Variants in KRTAP9-1 observed in about 807,000 individuals in gnomAD.
KRTAP9-1 encodes keratin associated protein 9-1.
KRTAP9-1 carries 13 observed loss-of-function variants against 18.4 expected under a neutral mutation model. The observed-to-expected ratio is 0.71, with a 90% CI of 0.46 to 1.12. The LOEUF (loss-of-function observed/expected upper bound fraction) is 1.12, where lower values mean the gene tolerates loss of function less well. Among genes scored for constraint, KRTAP9-1 ranks in the 50% most tolerant of loss-of-function variants. The pLI is 0.00. For synonymous variants in KRTAP9-1, 122 were observed against 108.8 expected (o/e 1.12, Z -0.75); for missense variants, 310 against 310.6 (o/e 1.00, Z 0.01).
At position 41,190,086 on chromosome 17, in the gene KRTAP9-1, G is replaced by A; in HGVS notation, c.200G>A (p.Cys67Tyr). 2 of 1,613,186 alleles carry A rather than the reference G, an allele frequency of 1.2e-6. No homozygotes were observed. The highest frequency in any genetic ancestry group is 1.1e-5 in the South Asian group (1 of 91,026). Residue 67 changes from cysteine (C) to tyrosine (Y), a missense_variant, in exon 1 of 1, where the codon TGC becomes TAC. Cys to Tyr is a radical substitution (Grantham distance 194). Transcript: ENST00000398470. ...CQNTCCRTTC[C>Y]QPTCVASCCQ... Reference sequence around the variant, plus strand: ...AACACCTGCTGCAGGACCACCTGCTGCCAGCCCACTTGTGTGGCCAGCTGC... The same window carrying A: ...AACACCTGCTGCAGGACCACCTGCTACCAGCCCACTTGTGTGGCCAGCTGC...
Position 41,190,484 on chromosome 17 carries a change from T to G in KRTAP9-1, c.598T>G (p.Cys200Gly), listed in dbSNP as rs746070098. Residue 200 changes from cysteine to glycine, a missense_variant, in exon 1 of 1, where the codon TGC (cysteine) becomes GGC (glycine). Transcript: ENST00000398470. ...CCQPTCGGSSCCSQTCNESSY... is the reference protein window; with the variant it reads ...CCQPTCGGSSGCSQTCNESSY... Reference sequence around the variant, plus strand: ...CCAGCCAACCTGTGGTGGGTCCAGCTGCTGTAGCCAAACCTGCAATGAGTC... The same window carrying G: ...CCAGCCAACCTGTGGTGGGTCCAGCGGCTGTAGCCAAACCTGCAATGAGTC... 1 of 1,603,476 alleles carries G rather than the reference T, an allele frequency of 6.2e-7. No individual in the cohort carries two copies. Among genetic ancestry groups the G allele is most frequent in the Non-Finnish European group, 8.5e-7 (1 of 1,174,758 alleles).
At position 41,190,610 on chromosome 17, in the gene KRTAP9-1, T is replaced by C. The variant is rs538930813; in HGVS notation, c.724T>C (p.Ser242Pro). The change falls in exon 1 of 1, where the codon TCC becomes CCC. Residue 242 changes from serine to proline, a missense_variant. Coordinates refer to ENST00000398470, the MANE Select transcript of KRTAP9-1 (RefSeq NM_001190460.1). ...CTGTTGCTGCAGTCCTTGCTGTGTC[T>C]CCAGCTGCTGCCAGCCTTCCTGCTG... ...PSCCCSPCCV[S>P]SCCQPSCC is the part of the protein sequence containing the mutation. The C allele has an allele frequency of 1.9e-6, 3 of 1,597,694 alleles. No homozygotes were observed. The Admixed American group carries it at 5.3e-5, about 28-fold the overall frequency.
At position 41,190,152 on chromosome 17, in the gene KRTAP9-1, C is replaced by T. The variant is rs762894582; in HGVS notation, c.266C>T (p.Thr89Ile). The T allele has an allele frequency of 7.6e-5, 119 of 1,560,912 alleles. No individual in the cohort carries two copies. Among genetic ancestry groups the T allele is most frequent in the Non-Finnish European group, 9.9e-5 (114 of 1,153,344 alleles). ...TGCAGCACACCCTGCTGCCAGCCCA[C>T]CTGCTGTGGGTCCAGCTGCTGTGGC... ...SCCSTPCCQP[T>I]CCGSSCCGQT... is the part of the protein sequence containing the mutation. Residue 89 changes from threonine to isoleucine, a missense_variant, in exon 1 of 1, where the codon ACC (threonine) becomes ATC (isoleucine). Around this residue, in one of 3 missense-constraint regions of KRTAP9-1, gnomAD observed 178 missense variants for 190.2 expected, o/e 0.94. Coordinates refer to ENST00000398470, the MANE Select transcript of KRTAP9-1 (RefSeq NM_001190460.1).
chr17:41,190,578 G>A lies in KRTAP9-1; in HGVS notation c.692G>A (p.Arg231His), dbSNP rs761048984. Reference sequence around the variant, plus strand: ...ACCTGCTACAGGACCACCTGTTGCCGCCCCAGCTGTTGCTGCAGTCCTTGC... The same window carrying A: ...ACCTGCTACAGGACCACCTGTTGCCACCCCAGCTGTTGCTGCAGTCCTTGC... Reference protein sequence around the residue: ...QTTCYRTTCCRPSCCCSPCCV... With the variant: ...QTTCYRTTCCHPSCCCSPCCV... Residue 231 changes from arginine (R) to histidine (H), a missense_variant, in exon 1 of 1, where the codon CGC (arginine) becomes CAC (histidine). By Grantham distance (29) the Arg-to-His change is conservative (BLOSUM62 0). Transcript: ENST00000398470. 17 of 1,609,126 alleles carry A rather than the reference G, an allele frequency of 1.1e-5. No individual in the cohort carries two copies. The highest frequency in any genetic ancestry group is 4.5e-5 in the East Asian group (2 of 44,780).
In KRTAP9-1 at chr17:41,189,922, A is replaced by C. The variant is rs561824716; in HGVS notation, c.36A>C (p.Thr12=). 4 of 1,612,198 alleles carry C rather than the reference A, an allele frequency of 2.5e-6. No homozygotes were observed. Among genetic ancestry groups the C allele is most frequent in the African/African-American group, 2.7e-5 (2 of 74,920 alleles). The change falls in exon 1 of 1, where the codon ACA becomes ACC. Residue 12 remains threonine (T), a synonymous_variant. Transcript: ENST00000398470. The part of the protein sequence containing the change: ...THCCSPCCQP[T]CCRTTCCRTT... Reference sequence around the variant, plus strand: ...GCTGTTCCCCTTGCTGTCAGCCTACATGCTGCAGGACCACCTGCTGCAGGA... The same window carrying C: ...GCTGTTCCCCTTGCTGTCAGCCTACCTGCTGCAGGACCACCTGCTGCAGGA...
In KRTAP9-1 at chr17:41,190,602, G is replaced by T. The variant is rs1414760735; in HGVS notation, c.716G>T (p.Cys239Phe). 2.5e-6 allele frequency: 4 copies of T among 1,604,092 alleles called. No homozygotes were observed. In the African/African-American group the frequency reaches 4.0e-5, roughly 16 times the overall value. Reference sequence around the variant, plus strand: ...CGCCCCAGCTGTTGCTGCAGTCCTTGCTGTGTCTCCAGCTGCTGCCAGCCT... The same window carrying T: ...CGCCCCAGCTGTTGCTGCAGTCCTTTCTGTGTCTCCAGCTGCTGCCAGCCT... ...CCRPSCCCSPCCVSSCCQPSC... is the reference protein window; with the variant it reads ...CCRPSCCCSPFCVSSCCQPSC... Residue 239 changes from cysteine to phenylalanine, a missense_variant, in exon 1 of 1, where the codon TGC (cysteine) becomes TTC (phenylalanine). Cys to Phe is a radical substitution (Grantham distance 205). This residue lies in a region of KRTAP9-1 where 130 missense variants were observed against 103.4 expected (regional missense o/e 1.26). Transcript: ENST00000398470.
In KRTAP9-1 at chr17:41,190,314, G is replaced by A. The variant is rs200119349; in HGVS notation, c.428G>A (p.Cys143Tyr). The change falls in exon 1 of 1, where the codon TGC becomes TAC. Residue 143 changes from cysteine (C) to tyrosine (Y), a missense_variant. By Grantham distance (194) the Cys-to-Tyr change is radical. Around this residue, in one of 3 missense-constraint regions of KRTAP9-1, gnomAD observed 178 missense variants for 190.2 expected, o/e 0.94. Coordinates refer to ENST00000398470, the MANE Select transcript of KRTAP9-1 (RefSeq NM_001190460.1). ...CAGCCTACCTGCTGCCAGCCCACCT[G>A]CTGCAGGAACACCTCTTGCCAGCCC... The part of the protein sequence containing the change: ...CCQPTCCQPT[C>Y]CRNTSCQPTC... 5.5e-6 allele frequency: 7 copies of A among 1,272,234 alleles called. No individual in the cohort carries two copies. Among genetic ancestry groups the A allele is most frequent in the Non-Finnish European group, 6.1e-6 (6 of 986,646 alleles). 78.8% of individuals were successfully genotyped at this position (1,272,234 alleles called of 1,614,324 possible). A position where few individuals can be genotyped will look rare whatever the true frequency, so the allele number is the denominator to read the frequency against.
chr17:41,190,460 C>T (rs1344524789), intron 2 of KRTAP9-1: 2 of 1,600,724 alleles, frequency 1.2e-6, no homozygotes, highest in South Asian at 1.1e-5. Flanking sequence ...ACCCTGTTGC[C>T]AGCCAACCTG....
Position 41,190,508 on chromosome 17 carries a change from T to A in KRTAP9-1, c.622T>A (p.Ser208Thr). The A allele has an allele frequency of 1.9e-6, 3 of 1,605,864 alleles. No homozygotes were observed. Among genetic ancestry groups the A allele is most frequent in the Non-Finnish European group, 2.6e-6 (3 of 1,176,116 alleles). ...SSCCSQTCNESSYCLPCCRPT... is the reference protein window; with the variant it reads ...SSCCSQTCNETSYCLPCCRPT... The stretch of plus-strand genomic sequence containing the variant: ...CTGCTGTAGCCAAACCTGCAATGAG[T>A]CCAGCTATTGTCTGCCTTGCTGCCG... Residue 208 changes from serine to threonine, a missense_variant, in exon 1 of 1, where the codon TCC becomes ACC. Ser to Thr is a moderately conservative substitution (Grantham distance 58, BLOSUM62 1). Transcript: ENST00000398470.
In KRTAP9-1 at chr17:41,190,572, G is replaced by A; in HGVS notation, c.686G>A (p.Cys229Tyr). Residue 229 changes from cysteine to tyrosine, a missense_variant, in exon 1 of 1, where the codon TGT (cysteine) becomes TAT (tyrosine). This residue lies in a region of KRTAP9-1 where 130 missense variants were observed against 103.4 expected (regional missense o/e 1.26). Coordinates refer to ENST00000398470, the MANE Select transcript of KRTAP9-1 (RefSeq NM_001190460.1). Reference protein sequence around the residue: ...CCQTTCYRTTCCRPSCCCSPC... With the variant: ...CCQTTCYRTTYCRPSCCCSPC... ...CAGACCACCTGCTACAGGACCACCT[G>A]TTGCCGCCCCAGCTGTTGCTGCAGT... 1.2e-6 allele frequency: 2 copies of A among 1,610,510 alleles called. No homozygotes were observed. The highest frequency in any genetic ancestry group is 1.7e-6 in the Non-Finnish European group (2 of 1,178,394).
rs757877501 is a variant in KRTAP9-1, at chr17:41,190,099, T to C, written c.213T>C (p.Cys71=). ...CCRTTCCQPT[C]VASCCQPSCC... ...GGACCACCTGCTGCCAGCCCACTTG[T>C]GTGGCCAGCTGCTGCCAGCCTTCCT... The change falls in exon 1 of 1, where the codon TGT becomes TGC. Residue 71 remains cysteine, a synonymous_variant. Transcript: ENST00000398470. 1.3e-6 allele frequency: 2 copies of C among 1,599,850 alleles called. No individual in the cohort carries two copies. The highest frequency in any genetic ancestry group is 2.3e-5 in the South Asian group (2 of 88,726).
At position 41,190,323 on chromosome 17, in the gene KRTAP9-1, A is replaced by G; in HGVS notation, c.437A>G (p.Asn146Ser). The G allele has an allele frequency of 4.0e-6, 5 of 1,260,592 alleles. No individual in the cohort carries two copies. The highest frequency in any genetic ancestry group is 4.1e-6 in the Non-Finnish European group (4 of 979,334). 78.1% of individuals were successfully genotyped at this position (1,260,592 alleles called of 1,614,324 possible). A position where few individuals can be genotyped will look rare whatever the true frequency, so the allele number is the denominator to read the frequency against. ...PTCCQPTCCRNTSCQPTCCGS... is the reference protein window; with the variant it reads ...PTCCQPTCCRSTSCQPTCCGS... ...TGCTGCCAGCCCACCTGCTGCAGGAACACCTCTTGCCAGCCCACCTGCTGT... is the reference window on the plus strand; with the variant it reads ...TGCTGCCAGCCCACCTGCTGCAGGAGCACCTCTTGCCAGCCCACCTGCTGT... Residue 146 changes from asparagine (N) to serine (S), a missense_variant, in exon 1 of 1, where the codon AAC (asparagine) becomes AGC (serine). Coordinates refer to ENST00000398470, the MANE Select transcript of KRTAP9-1 (RefSeq NM_001190460.1).
rs756374414 is a variant in KRTAP9-1 at position 41,190,075 on chromosome 17, G to A, written c.189G>A (p.Arg63=). The A allele has an allele frequency of 3.1e-6, 5 of 1,612,206 alleles. No homozygotes were observed. The highest frequency in any genetic ancestry group is 2.7e-5 in the African/African-American group (2 of 74,486). The change falls in exon 1 of 1, where the codon AGG becomes AGA. Residue 63 remains arginine (R), a synonymous_variant. Transcript: ENST00000398470. ...CTTGCTGTCAAAACACCTGCTGCAG[G>A]ACCACCTGCTGCCAGCCCACTTGTG... ...HPTCCQNTCC[R]TTCCQPTCVA... is the part of the protein sequence containing the mutation.
chr17:41,190,315 C>A, intron 2 of KRTAP9-1: 2 of 1,415,630 alleles, frequency 1.4e-6, no homozygotes, highest in East Asian at 2.8e-5. Context: ...AGCCCACCTG[C>A]TGCAGGAACA....
In KRTAP9-1 at chr17:41,190,623, A is replaced by C. The variant is rs1598022287; in HGVS notation, c.737A>C (p.Gln246Pro). The part of the protein sequence containing the change: ...CSPCCVSSCC[Q>P]PSCC ...CCTTGCTGTGTCTCCAGCTGCTGCCAGCCTTCCTGCTGCTAATCCACTTGC... is the reference window on the plus strand; with the variant it reads ...CCTTGCTGTGTCTCCAGCTGCTGCCCGCCTTCCTGCTGCTAATCCACTTGC... The change falls in exon 1 of 1, where the codon CAG (glutamine) becomes CCG (proline). Residue 246 changes from glutamine (Q) to proline (P), a missense_variant. Gln to Pro is a moderately conservative substitution (Grantham distance 76). Transcript: ENST00000398470. 4 of 1,595,074 alleles carry C rather than the reference A, an allele frequency of 2.5e-6. No individual in the cohort carries two copies. In the African/African-American group the frequency reaches 5.4e-5, roughly 21 times the overall value.
chr17:41,190,065 C>T lies in KRTAP9-1; in HGVS notation c.179C>T (p.Thr60Ile). The T allele has an allele frequency of 1.9e-6, 3 of 1,612,778 alleles. No homozygotes were observed. Among genetic ancestry groups the T allele is most frequent in the Non-Finnish European group, 2.5e-6 (3 of 1,179,534 alleles). The change falls in exon 1 of 1, where the codon ACC (threonine) becomes ATC (isoleucine). Residue 60 changes from threonine (T) to isoleucine (I), a missense_variant. Thr to Ile is a moderately conservative substitution (Grantham distance 89, BLOSUM62 -1). Transcript: ENST00000398470. Reference protein sequence around the residue: ...PCCHPTCCQNTCCRTTCCQPT... With the variant: ...PCCHPTCCQNICCRTTCCQPT... ...TGCCACCCAACTTGCTGTCAAAACA[C>T]CTGCTGCAGGACCACCTGCTGCCAG...
In KRTAP9-1 at chr17:41,189,931, G is replaced by A. The variant is rs1248965330; in HGVS notation, c.45G>A (p.Arg15=). ...CTTGCTGTCAGCCTACATGCTGCAG[G>A]ACCACCTGCTGCAGGACAACCTGCT... ...CSPCCQPTCC[R]TTCCRTTCWK... The change falls in exon 1 of 1, where the codon AGG becomes AGA. Residue 15 remains arginine (R), a synonymous_variant. Coordinates refer to ENST00000398470, the MANE Select transcript of KRTAP9-1 (RefSeq NM_001190460.1). 1.2e-6 allele frequency: 2 copies of A among 1,612,464 alleles called. No individual in the cohort carries two copies. The highest frequency in any genetic ancestry group is 2.2e-5 in the South Asian group (2 of 91,008).
In KRTAP9-1 at chr17:41,190,076, A is replaced by G. The variant is rs189935802; in HGVS notation, c.190A>G (p.Thr64Ala). ...TTGCTGTCAAAACACCTGCTGCAGG[A>G]CCACCTGCTGCCAGCCCACTTGTGT... ...PTCCQNTCCR[T>A]TCCQPTCVAS... The change falls in exon 1 of 1, where the codon ACC becomes GCC. Residue 64 changes from threonine (T) to alanine (A), a missense_variant. This residue lies in a region of KRTAP9-1 where 178 missense variants were observed against 190.2 expected (regional missense o/e 0.94). Coordinates refer to ENST00000398470, the MANE Select transcript of KRTAP9-1 (RefSeq NM_001190460.1). 3.4e-3 allele frequency: 5,463 copies of G among 1,613,550 alleles called. 17 individuals are homozygous for G. The highest frequency in any genetic ancestry group is 3.6e-3 in the Non-Finnish European group (4,260 of 1,179,910).
Position 41,190,611 on chromosome 17 carries a change from C to T in KRTAP9-1, c.725C>T (p.Ser242Phe). Residue 242 changes from serine to phenylalanine, a missense_variant, in exon 1 of 1, where the codon TCC becomes TTC. Transcript: ENST00000398470. ...TGTTGCTGCAGTCCTTGCTGTGTCTCCAGCTGCTGCCAGCCTTCCTGCTGC... is the reference window on the plus strand; with the variant it reads ...TGTTGCTGCAGTCCTTGCTGTGTCTTCAGCTGCTGCCAGCCTTCCTGCTGC... ...PSCCCSPCCV[S>F]SCCQPSCC 4 of 1,597,968 alleles carry T rather than the reference C, an allele frequency of 2.5e-6. No individual in the cohort carries two copies. The highest frequency in any genetic ancestry group is 3.4e-6 in the Non-Finnish European group (4 of 1,172,082).
Sources: allele counts gnomAD v4.1 joint callset, GRCh38; gene constraint gnomAD v4.1.1; regional missense constraint gnomAD v4.1.1; transcripts MANE v1.5; gene names NCBI Gene and HGNC (gene_info 2026-07-23, HGNC 2026-07-21).